Variants in NBAS observed in about 807,000 individuals in gnomAD.
NBAS encodes NAG/BC035112 fusion.
In NBAS, 219 loss-of-function variants were observed where a neutral mutation model predicts 302.5. That is an observed-to-expected ratio of 0.72 (90% confidence interval 0.65 to 0.81). The LOEUF is 0.81. Ranked by LOEUF, NBAS falls within the 30% of genes least tolerant of loss-of-function variation. The probability of loss-of-function intolerance (pLI) is 0.00; values close to 1 mark genes in which losing one functional copy is unlikely to be tolerated. For synonymous variants in NBAS, 1,118 were observed against 1,021.6 expected, an observed-to-expected ratio of 1.09 and a Z score of -1.80; for missense variants, 2,932 against 2,841.6, an observed-to-expected ratio of 1.03 and a Z score of -0.72.
In NBAS at chr2:15,353,596, C is replaced by T. The variant is rs375969967; in HGVS notation, c.4046G>A (p.Ser1349Asn). ...AFALTHCPPS[S>N]IELLLAASSS... is the part of the protein sequence containing the mutation. ...GCTAGCTGCCAAAAGAAGTTCAATG[C>T]TGCTAGGAGGGCAATGTGTCAAAGC... The change falls in exon 34 of 52, where the codon AGC (serine) becomes AAC (asparagine). Residue 1349 changes from serine (S) to asparagine (N), a missense_variant. Coordinates refer to ENST00000281513, the MANE Select transcript of NBAS (RefSeq NM_015909.4). 37 of 1,613,916 alleles carry T rather than the reference C, an allele frequency of 2.3e-5. 1 individual carries two copies. The South Asian group carries it at 3.1e-4, about 13-fold the overall frequency.
At chr2:15,353,350 C>T (rs1673458020) in intron 34 of NBAS, among the ~76,000 whole-genome samples, 1 of 152,074 alleles carries the variant, frequency 6.6e-6, no homozygotes, top group South Asian at 2.1e-4. Context: ...GTCTTGTATC[C>T]TTTCTTCCTT....
At chr2:14,862,292 T>A in the NBAS span, among the ~76,000 whole-genome samples, 1 of 152,066 alleles carries the variant, frequency 6.6e-6, no homozygotes, top group African/African-American at 2.4e-5. Flanking sequence ...CTAATTTTTG[T>A]ATTTTTAGTA....
chr2:15,206,120 G>T (rs949094503), intron 48 of NBAS, among the ~76,000 whole-genome samples: 1 of 152,198 alleles, frequency 6.6e-6, no homozygotes, highest in African/African-American at 2.4e-5. Flanking sequence ...CCAAAATGCT[G>T]ATAGTGATAT....
chr2:15,117,775 C>T, the NBAS span, among the ~76,000 whole-genome samples: 2 of 152,216 alleles, frequency 1.3e-5, no homozygotes, highest in South Asian at 4.1e-4. Context: ...AAACGCTGCA[C>T]TGGGGACACA....
the NBAS span, among the ~76,000 whole-genome samples, chr2:15,061,855 G>T: frequency 6.6e-6 from 1 of 152,200 alleles, no homozygotes; most frequent in Non-Finnish European, 1.5e-5. Context: ...TTTCACAGGC[G>T]AAGATAAGCA....
chr2:14,891,486 G>A, the NBAS span, among the ~76,000 whole-genome samples: 1 of 152,110 alleles, frequency 6.6e-6, no homozygotes, highest in African/African-American at 2.4e-5. Context: ...TCAGTTCATA[G>A]GAAGGGATCA....
the NBAS span, among the ~76,000 whole-genome samples, chr2:14,895,257 A>G: frequency 8.5e-5 from 13 of 152,134 alleles, no homozygotes; most frequent in Admixed American, 8.5e-4. Flanking sequence ...TTATTATTCT[A>G]TTTGACTTTT....
the NBAS span, among the ~76,000 whole-genome samples, chr2:14,937,074 T>C: frequency 3.3e-5 from 5 of 152,144 alleles, no homozygotes; most frequent in Admixed American, 6.5e-5. Flanking sequence ...AGGTTTACCA[T>C]TAAAAAGAAC....
chr2:15,112,476 A>T, the NBAS span, among the ~76,000 whole-genome samples: 1 of 152,134 alleles, frequency 6.6e-6, no homozygotes, highest in Admixed American at 6.6e-5. Flanking sequence ...GTTTAAATAA[A>T]TGAGGAAACA....
chr2:15,117,515 T>C, the NBAS span, among the ~76,000 whole-genome samples: 2 of 152,208 alleles, frequency 1.3e-5, no homozygotes, highest in Admixed American at 6.5e-5. Context: ...CACTTGGCTT[T>C]AATCTTGTCC....
intron 48 of NBAS, among the ~76,000 whole-genome samples, chr2:15,198,708 C>A (rs997040889): frequency 6.6e-6 from 1 of 152,134 alleles, no homozygotes; most frequent in African/African-American, 2.4e-5. Flanking sequence ...TGGAGCAAAA[C>A]AAATGATTAA....
At chr2:15,404,284 A>G (rs1214741615) in intron 25 of NBAS, among the ~76,000 whole-genome samples, 5 of 152,130 alleles carry the variant, frequency 3.3e-5, no homozygotes, top group Non-Finnish European at 7.4e-5. Flanking sequence ...GGCTCTCATA[A>G]TCCTGCATTC....
chr2:15,238,417 G>A lies in NBAS; in HGVS notation c.5943+51C>T, dbSNP rs185825299. Reference sequence around the variant, plus strand: ...ACTAATGTAACTTTCAAGGAAAAAAGAAAGAATATACTGATACAGAGTGAG... The same window carrying A: ...ACTAATGTAACTTTCAAGGAAAAAAAAAAGAATATACTGATACAGAGTGAG... On this transcript the variant is annotated intron_variant, in intron 45 of 51. Coordinates refer to ENST00000281513, the MANE Select transcript of NBAS (RefSeq NM_015909.4). 1.2e-5 allele frequency: 18 copies of A among 1,556,894 alleles called. No homozygotes were observed. The South Asian group carries it at 1.8e-4, about 16-fold the overall frequency.
chr2:15,276,991 G>A lies in NBAS; in HGVS notation c.5249C>T (p.Thr1750Ile). ...CCTTTCGTGATCAAAGCCACCAATA[G>A]TAGGGTAAATATACTTGACCATGTG... Reference protein sequence around the residue: ...HQHMVKYIYPTIGGFDHERLQ... With the variant: ...HQHMVKYIYPIIGGFDHERLQ... Residue 1750 changes from threonine (T) to isoleucine (I), a missense_variant, in exon 43 of 52, where the codon ACT becomes ATT. Transcript: ENST00000281513. The A allele has an allele frequency of 3.7e-6, 6 of 1,614,006 alleles. No individual in the cohort carries two copies. The highest frequency in any genetic ancestry group is 5.1e-6 in the Non-Finnish European group (6 of 1,179,958).
At chr2:15,379,872 A>G (rs748386647) in intron 29 of NBAS, 41 bp from the exon 30 acceptor site, 5 of 1,556,172 alleles carry the variant, frequency 3.2e-6, no homozygotes, top group Non-Finnish European at 4.4e-6. Flanking sequence ...TAGAGAGGGA[A>G]GATTCAGTTC....
At chr2:14,864,972 C>G in the NBAS span, among the ~76,000 whole-genome samples, 3 of 152,178 alleles carry the variant, frequency 2.0e-5, no homozygotes, top group Non-Finnish European at 4.4e-5. Context: ...TTCACAGACC[C>G]CTTAGTCTCC....
the NBAS span, among the ~76,000 whole-genome samples, chr2:15,026,912 A>C: frequency 6.6e-6 from 1 of 152,146 alleles, no homozygotes; most frequent in Non-Finnish European, 1.5e-5. Flanking sequence ...CTAGTCTCAC[A>C]TCTATTACGA....
At chr2:15,514,609 C>T (rs1340629888) in intron 9 of NBAS, among the ~76,000 whole-genome samples, 1 of 151,292 alleles carries the variant, frequency 6.6e-6, no homozygotes, top group African/African-American at 2.4e-5. Context: ...TCCTTGATAA[C>T]TGAAATAATG....
intron 3 of NBAS, 126 bp downstream of exon 3, chr2:15,556,657 T>A: frequency 9.4e-6 from 8 of 855,286 alleles, no homozygotes; most frequent in Non-Finnish European, 1.4e-5. Context: ...TGTCTCATAC[T>A]GAGTTTGCCT....
Sources: gnomAD v4.1 joint callset for allele counts (sites outside exome capture counted in the v4.1 genomes callset) on GRCh38, gnomAD v4.1.1 for gene constraint, MANE v1.5 for transcripts, NCBI Gene and HGNC (gene_info 2026-07-23, HGNC 2026-07-21) for gene names.